The following EAF2 variants were observed in gnomAD, a reference collection of about 807,000 sequenced individuals.
EAF2 encodes the protein ELL associated factor 2.
A neutral mutation model predicts 29.4 loss-of-function variants in EAF2; 29 were observed. The ratio of observed to expected loss-of-function variants is 0.99; its 90% CI spans 0.73 to 1.35. EAF2 has a LOEUF of 1.35. EAF2 is among the 40% of genes most tolerant of loss of function. The pLI, the probability that EAF2 is intolerant of heterozygous loss-of-function variation, is 0.00. For synonymous variants in EAF2, 103 were observed against 102.5 expected, an observed-to-expected ratio of 1.00 and a Z score of -0.03; for missense variants, 292 against 312.0, an observed-to-expected ratio of 0.94 and a Z score of 0.48.
At chr3:121,845,725 A>T (rs1223254329) in intron 2 of EAF2, among the ~76,000 whole-genome samples, 3 of 151,830 alleles carry the variant, frequency 2.0e-5, no homozygotes, top group African/African-American at 7.3e-5. Context: ...TAATGATTAG[A>T]TTGTGTTTTT....
chr3:121,854,892 A>G, intron 3 of EAF2, 69 bp downstream of exon 3: 1 of 1,316,462 alleles, frequency 7.6e-7, no homozygotes, highest in Non-Finnish European at 1.0e-6. Context: ...TAAAAAATTT[A>G]TTAAGTCACA....
intron 1 of EAF2, 113 bp downstream of exon 1, chr3:121,835,504 G>A: frequency 1.1e-6 from 1 of 924,560 alleles, no homozygotes; most frequent in Non-Finnish European, 1.7e-6. Flanking sequence ...TGGAGACTAC[G>A]GGGCGGGGAG....
chr3:121,870,878 C>G (rs1396942904), intron 4 of EAF2, among the ~76,000 whole-genome samples: 2 of 152,058 alleles, frequency 1.3e-5, no homozygotes, highest in African/African-American at 4.8e-5. Context: ...CCTTCAGACT[C>G]ACTATACCAA....
intron 1 of EAF2, among the ~76,000 whole-genome samples, chr3:121,840,119 G>GAGAATTGCTTGAACC (rs1708383348): frequency 6.6e-6 from 1 of 150,796 alleles, no homozygotes; most frequent in Non-Finnish European, 1.5e-5. Flanking sequence ...GAACCGAAGA[G>GAGAATTGCTTGAACC]GCGGAGGTTG....
At chr3:121,837,062 G>T (rs1024759562) in intron 1 of EAF2, among the ~76,000 whole-genome samples, 1 of 151,910 alleles carries the variant, frequency 6.6e-6, no homozygotes, top group Admixed American at 6.6e-5. Flanking sequence ...ACAAAAATAA[G>T]CAAAACAACA....
At chr3:121,852,109 T>C (rs1226002679) in intron 2 of EAF2, among the ~76,000 whole-genome samples, 1 of 152,214 alleles carries the variant, frequency 6.6e-6, no homozygotes, top group Non-Finnish European at 1.5e-5. Context: ...TTAACCTTCA[T>C]TGAATATTTA....
intron 5 of EAF2, among the ~76,000 whole-genome samples, chr3:121,884,706 T>C (rs1265130846): frequency 1.0e-5 from 1 of 95,736 alleles, no homozygotes; most frequent in African/African-American, 2.9e-5. Context: ...ATTACAGGCG[T>C]GAGCCACCGC....
At chr3:121,869,866 G>C (rs745573408) in intron 4 of EAF2, among the ~76,000 whole-genome samples, 9 of 152,096 alleles carry the variant, frequency 5.9e-5, no homozygotes, top group Non-Finnish European at 1.0e-4. Flanking sequence ...TCCAGCCTGG[G>C]TGACAGAGTA....
intron 4 of EAF2, among the ~76,000 whole-genome samples, chr3:121,865,121 A>G (rs1708901234): frequency 6.6e-6 from 1 of 152,176 alleles, no homozygotes; most frequent in African/African-American, 2.4e-5. Flanking sequence ...AGAACGTTGT[A>G]GAGGAGGCAA....
intron 4 of EAF2, among the ~76,000 whole-genome samples, chr3:121,863,772 C>T (rs911662652): frequency 2.6e-5 from 4 of 152,066 alleles, no homozygotes; most frequent in Non-Finnish European, 4.4e-5. Flanking sequence ...CCATCTTCTG[C>T]GTGGCTCATG....
intron 4 of EAF2, among the ~76,000 whole-genome samples, chr3:121,868,847 T>C: frequency 1.3e-5 from 2 of 152,212 alleles, no homozygotes; most frequent in Non-Finnish European, 2.9e-5. Context: ...ATAGGAGATC[T>C]GAGTAACACA....
chr3:121,870,714 A>G (rs915499125), intron 4 of EAF2, among the ~76,000 whole-genome samples: 3 of 152,222 alleles, frequency 2.0e-5, no homozygotes, highest in Non-Finnish European at 4.4e-5. Context: ...AATCAGTAAG[A>G]AAAAGACAAA....
intron 4 of EAF2, among the ~76,000 whole-genome samples, chr3:121,858,707 C>A (rs1708769281): frequency 6.6e-6 from 1 of 152,168 alleles, no homozygotes; most frequent in Admixed American, 6.5e-5. Flanking sequence ...GCTTCTGTTG[C>A]CATTGCTTTT....
chr3:121,884,189 A>C (rs973502452), intron 5 of EAF2, among the ~76,000 whole-genome samples: 5 of 151,626 alleles, frequency 3.3e-5, no homozygotes, highest in Admixed American at 1.3e-4. Context: ...AATACAAAAA[A>C]ATTAGCCAGG....
chr3:121,844,669 C>G, intron 2 of EAF2, 122 bp downstream of exon 2: 1 of 544,016 alleles, frequency 1.8e-6, no homozygotes, highest in Non-Finnish European at 3.0e-6. Context: ...CACAGATAAG[C>G]AAAAACCATA....
intron 4 of EAF2, among the ~76,000 whole-genome samples, chr3:121,858,663 C>T (rs1214653559): frequency 6.6e-6 from 1 of 152,206 alleles, no homozygotes; most frequent in Non-Finnish European, 1.5e-5. Flanking sequence ...TGCAGAAGCT[C>T]TTTAGTTCAA....
At chr3:121,859,323 G>A (rs2107523397) in intron 4 of EAF2, among the ~76,000 whole-genome samples, 1 of 152,198 alleles carries the variant, frequency 6.6e-6, no homozygotes, top group Non-Finnish European at 1.5e-5. Context: ...TCTTCCATTT[G>A]TTTGTGTCCT....
chr3:121,883,403 A>G (rs980359002), intron 5 of EAF2, among the ~76,000 whole-genome samples: 8 of 152,248 alleles, frequency 5.3e-5, no homozygotes, highest in Non-Finnish European at 5.9e-5. Context: ...TTTAAAAAAT[A>G]CAAAACAAAA....
At chr3:121,881,506 G>T (rs571755843) in intron 5 of EAF2, among the ~76,000 whole-genome samples, 45 of 151,784 alleles carry the variant, frequency 3.0e-4, no homozygotes, top group South Asian at 1.9e-3. Context: ...TAAAAAATTA[G>T]TATTATTATT....
Sources: gnomAD v4.1 joint callset for allele counts (sites outside exome capture counted in the v4.1 genomes callset) on GRCh38, gnomAD v4.1.1 for gene constraint, MANE v1.5 for transcripts, NCBI Gene and HGNC (gene_info 2026-07-23, HGNC 2026-07-21) for gene names.